The following PTBP3 variants were observed in gnomAD, a reference collection of about 807,000 sequenced individuals.
PTBP3 encodes polypyrimidine tract binding protein 3, also known as polypyrimidine tract-binding protein 3.
A neutral mutation model predicts 58.7 loss-of-function variants in PTBP3; 20 were observed. That is an observed-to-expected ratio of 0.34 (90% CI 0.24 to 0.50). The LOEUF (loss-of-function observed/expected upper bound fraction) is 0.50. Ranked by LOEUF, PTBP3 falls within the 20% of genes least tolerant of loss-of-function variation. The probability of loss-of-function intolerance (pLI) is 0.98; values close to 1 mark genes in which losing one functional copy is unlikely to be tolerated. For synonymous variants in PTBP3, 185 were observed against 219.8 expected (o/e 0.84, Z 1.40); for missense variants, 509 against 637.2 (o/e 0.80, Z 2.17).
intron 1 of PTBP3, among the ~76,000 whole-genome samples, chr9:112,308,421 T>C (rs997292362): frequency 1.4e-5 from 2 of 147,320 alleles, no homozygotes; most frequent in African/African-American, 4.9e-5. Context: ...CCTGAAAACA[T>C]ATCACTGCAT....
chr9:112,227,192 T>C (rs1389276840), intron 12 of PTBP3, among the ~76,000 whole-genome samples: 1 of 152,222 alleles, frequency 6.6e-6, no homozygotes, highest in South Asian at 2.1e-4. Context: ...GTGAATTCTC[T>C]ATTTGGAAAG....
At chr9:112,342,729 A>AAGAAG in the PTBP3 span, among the ~76,000 whole-genome samples, 1 of 150,850 alleles carries the variant, frequency 6.6e-6, no homozygotes, top group African/African-American at 2.4e-5. Flanking sequence ...AAAGAAAAAC[A>AAGAAG]AAGAAGAAGA....
intron 1 of PTBP3, chr9:112,333,136 T>G: frequency 8.0e-7 from 1 of 1,244,170 alleles, no homozygotes; most frequent in Non-Finnish European, 1.0e-6. Context: ...GAGGCCGAGC[T>G]GGGCTCCCCG....
chr9:112,234,682 C>G (rs1230289316), intron 8 of PTBP3, 138 bp downstream of exon 8: 1 of 716,430 alleles, frequency 1.4e-6, no homozygotes, highest in African/African-American at 1.8e-5. Flanking sequence ...TCATACAAAT[C>G]ACTACACTTC....
chr9:112,297,134 T>A (rs2132311055), intron 2 of PTBP3, among the ~76,000 whole-genome samples: 1 of 152,368 alleles, frequency 6.6e-6, no homozygotes, highest in East Asian at 1.9e-4. Context: ...TTATGGTACG[T>A]AAATTACTTC....
chr9:112,295,601 T>TAAAAAAAAA (rs35276003), intron 2 of PTBP3, among the ~76,000 whole-genome samples: 2 of 92,498 alleles, frequency 2.2e-5, no homozygotes, highest in Non-Finnish European at 4.2e-5. Flanking sequence ...GTTCTGTTGG[T>TAAAAAAAAA]AAAAAAAAAA....
At chr9:112,305,652 A>G (rs938876080) in intron 1 of PTBP3, among the ~76,000 whole-genome samples, 1 of 152,068 alleles carries the variant, frequency 6.6e-6, no homozygotes, top group Admixed American at 6.5e-5. Flanking sequence ...TGAGTATAAG[A>G]GCTTTCAGCC....
upstream of PTBP3, among the ~76,000 whole-genome samples, chr9:112,335,024 A>C (rs1830543164): frequency 6.6e-6 from 1 of 152,232 alleles, no homozygotes; most frequent in Non-Finnish European, 1.5e-5. Context: ...GTAGAATATC[A>C]ACAAGATAAG....
rs60262490 is a variant in PTBP3, at chr9:112,290,707, T to TAC, written c.34+7123_34+7124dup. ...AAAAAAATATATATATATATATATA[T>TAC]ACACACACACACACACACACACACA... On this transcript the variant is annotated intron_variant, in intron 2 of 13. Coordinates refer to ENST00000374257, the MANE Select transcript of PTBP3 (RefSeq NM_001163788.4). Among the ~76,000 whole-genome samples, 451 of 110,920 alleles carry TAC rather than the reference T, an allele frequency of 4.1e-3. 6 individuals carry two copies. The highest frequency in any genetic ancestry group is 0.037 in the Middle Eastern group (8 of 214). 72.8% of individuals were successfully genotyped at this position (110,920 alleles called of 152,430 possible).
At position 112,223,498 on chromosome 9, in the gene PTBP3, T is replaced by C; in HGVS notation, c.*353A>G. On this transcript the variant is annotated 3_prime_UTR_variant, in exon 14 of 14. Transcript: ENST00000374257. ...AATTTTTTAAAAGTACAAATGAGTTTAGAAATGTTGTATAAGGCTGATCTG... is the reference window on the plus strand; with the variant it reads ...AATTTTTTAAAAGTACAAATGAGTTCAGAAATGTTGTATAAGGCTGATCTG... 1.1e-6 allele frequency: 1 copy of C among 919,730 alleles called. No individual in the cohort carries two copies. Among genetic ancestry groups the C allele is most frequent in the Non-Finnish European group, 1.3e-6 (1 of 765,076 alleles). 57.0% of individuals were successfully genotyped at this position (919,730 alleles called of 1,614,324 possible). A position where few individuals can be genotyped will look rare whatever the true frequency, so the allele number is the denominator to read the frequency against.
intron 1 of PTBP3, among the ~76,000 whole-genome samples, chr9:112,326,589 T>C (rs1587896796): frequency 6.6e-6 from 1 of 152,244 alleles, no homozygotes; most frequent in Admixed American, 6.5e-5. Context: ...CCTTCCCATA[T>C]ATGTGAGTTT....
intron 1 of PTBP3, among the ~76,000 whole-genome samples, chr9:112,310,424 ATATT>A (rs1434647555): frequency 6.6e-6 from 1 of 152,336 alleles, no homozygotes; most frequent in Middle Eastern, 3.4e-3. Context: ...ATTCATTTGT[ATATT>A]TATTCAGTTC....
chr9:112,350,493 A>G, the PTBP3 span, among the ~76,000 whole-genome samples: 3 of 152,230 alleles, frequency 2.0e-5, no homozygotes. Context: ...ACATTAGTAG[A>G]GTACATTTGT....
chr9:112,284,891 T>A lies in PTBP3; in HGVS notation c.35-8878A>T, dbSNP rs546316590. Among the ~76,000 whole-genome samples, 10 of 152,314 alleles carry A rather than the reference T, an allele frequency of 6.6e-5. No individual in the cohort carries two copies. The South Asian group carries it at 2.1e-3, about 32-fold the overall frequency. ...TCGAAGTAACTAACTTGCTTTTGATTTTATAGGCTCATAGGCAGAAGGGAC... is the reference window on the plus strand; with the variant it reads ...TCGAAGTAACTAACTTGCTTTTGATATTATAGGCTCATAGGCAGAAGGGAC... On this transcript the variant is annotated intron_variant, in intron 2 of 13. Transcript: ENST00000374257.
Position 112,232,204 on chromosome 9 carries a change from A to C in PTBP3, c.915T>G (p.Gly305=), listed in dbSNP as rs779363524. 1.2e-6 allele frequency: 2 copies of C among 1,611,430 alleles called. No individual in the cohort carries two copies. Among genetic ancestry groups the C allele is most frequent in the South Asian group, 2.2e-5 (2 of 90,974 alleles). Residue 305 remains glycine, a synonymous_variant, in exon 9 of 14, where the codon GGT becomes GGG. Coordinates refer to ENST00000374257, the MANE Select transcript of PTBP3 (RefSeq NM_001163788.4). ...CAGCAGAAGAGGTGATTGTGAGAGG[A>C]CCAAGAGCTCCAGGAACAGCTGGAA... The part of the protein sequence containing the change: ...LSVPAVPGAL[G]PLTITSSAVT...
At position 112,231,957 on chromosome 9, in the gene PTBP3, GAGAAGAGAAGAGAGA is replaced by G. The variant is rs1310377148; in HGVS notation, c.1020+127_1020+141del. On this transcript the variant is annotated intron_variant, in intron 9 of 13. Coordinates refer to ENST00000374257, the MANE Select transcript of PTBP3 (RefSeq NM_001163788.4). Reference sequence around the variant, plus strand: ...GAGAAGAGAAGAGAAGAGAAGAGAAGAGAAGAGAAGAGAGAAGAGAAGAGAAGAGAAGAGAAGAGA... The same window carrying G: ...GAGAAGAGAAGAGAAGAGAAGAGAAGAGAGAAGAGAAGAGAAGAGAAGAGA... The G allele has an allele frequency of 6.7e-3, 2,510 of 377,240 alleles. 7 individuals carry two copies. Among genetic ancestry groups the G allele is most frequent in the Middle Eastern group, 0.017 (27 of 1,578 alleles). 23.4% of individuals were successfully genotyped at this position (377,240 alleles called of 1,614,324 possible).
chr9:112,255,404 T>C (rs886385795), intron 5 of PTBP3, among the ~76,000 whole-genome samples: 1 of 152,198 alleles, frequency 6.6e-6, no homozygotes, highest in Non-Finnish European at 1.5e-5. Context: ...GAATCACTTA[T>C]GGCAAGACAT....
At chr9:112,360,561 T>TTAAAATTTTTTTAA in the PTBP3 span, among the ~76,000 whole-genome samples, 1 of 152,156 alleles carries the variant, frequency 6.6e-6, no homozygotes, top group Non-Finnish European at 1.5e-5. Context: ...TTTTAAGAGA[T>TTAAAATTTTTTTAA]GTGGGACTCT....
the PTBP3 span, among the ~76,000 whole-genome samples, chr9:112,375,871 C>A: frequency 1.3e-5 from 2 of 152,074 alleles, no homozygotes; most frequent in African/African-American, 4.8e-5. Context: ...CAGTAACAGG[C>A]TAAGAGCTGT....
Sources: allele counts gnomAD v4.1 joint callset (sites outside exome capture counted in the v4.1 genomes callset), GRCh38; gene constraint gnomAD v4.1.1; transcripts MANE v1.5; gene names NCBI Gene and HGNC (gene_info 2026-07-23, HGNC 2026-07-21).